The following ADAMTS10 variants were observed in gnomAD, a reference collection of about 807,000 sequenced individuals.
The protein encoded by ADAMTS10 is ADAM metallopeptidase with thrombospondin type 1 motif 10.
Under a neutral mutation model 135.9 loss-of-function variants are expected in ADAMTS10, and 48 were observed. The observed-to-expected ratio is 0.35, with a 90% CI of 0.28 to 0.45. The LOEUF is 0.45. Ranked by LOEUF, ADAMTS10 falls within the 20% of genes least tolerant of loss-of-function variation. ADAMTS10 has a pLI of 1.00. For missense variants in ADAMTS10, 1,131 were observed against 1,565.2 expected (o/e 0.72, Z 4.68); for synonymous variants, 621 against 647.5 (o/e 0.96, Z 0.62).
chr19:8,601,124 C>T lies in ADAMTS10; in HGVS notation c.614G>A (p.Arg205Gln), dbSNP rs782334696. 24 of 1,613,818 alleles carry T rather than the reference C, an allele frequency of 1.5e-5. No individual in the cohort carries two copies. Among genetic ancestry groups the T allele is most frequent in the Middle Eastern group, 1.7e-4 (1 of 6,004 alleles). ...GVRDEKPWKGRPWWLRTLKPP... is the reference protein window; with the variant it reads ...GVRDEKPWKGQPWWLRTLKPP... ...CTTCAAGGTCCGCAGCCACCATGGCCGCCCTTTCCACGGTTTCTCATCTGG... is the reference window on the plus strand; with the variant it reads ...CTTCAAGGTCCGCAGCCACCATGGCTGCCCTTTCCACGGTTTCTCATCTGG... The change falls in exon 6 of 26, where the codon CGG becomes CAG. Residue 205 changes from arginine (R) to glutamine (Q), a missense_variant. Around this residue, in one of 3 missense-constraint regions of ADAMTS10, gnomAD observed 306 missense variants for 344.4 expected, o/e 0.89. Coordinates refer to ENST00000597188, the MANE Select transcript of ADAMTS10 (RefSeq NM_030957.4). This position sits in a 1 kb window ranked among gnomAD's most constrained non-coding sequence, Gnocchi z 4.6.
chr19:8,593,397 G>C (rs181167045), intron 12 of ADAMTS10: 21 of 162,394 alleles, frequency 1.3e-4, no homozygotes, highest in African/African-American at 4.6e-4. Flanking sequence ...TAGGCCAACG[G>C]CCTCATCTCT....
In ADAMTS10 at chr19:8,596,509, C is replaced by T. The variant is rs782426031; in HGVS notation, c.1084+33G>A. The T allele has an allele frequency of 6.2e-7, 1 of 1,613,934 alleles. No individual in the cohort carries two copies. The highest frequency in any genetic ancestry group is 8.5e-7 in the Non-Finnish European group (1 of 1,179,852). On this transcript the variant is annotated intron_variant, in intron 9 of 25. Coordinates refer to ENST00000597188, the MANE Select transcript of ADAMTS10 (RefSeq NM_030957.4). This position sits in a 1 kb window ranked among gnomAD's most constrained non-coding sequence, Gnocchi z 7.2. ...AGGTCTCACCCCAGCCCACTGCCTT[C>T]ATAGGCGCCTGAAACCTACGGGGCT...
Position 8,600,792 on chromosome 19 carries a change from C to A in ADAMTS10, c.810+136G>T, listed in dbSNP as rs6603092. On this transcript the variant is annotated intron_variant, in intron 6 of 25. Coordinates refer to ENST00000597188, the MANE Select transcript of ADAMTS10 (RefSeq NM_030957.4). ...GGATTACAGGTGTGAGCCACCGCGC[C>A]CGGCCTGCAACCTTCCTTTCTACCC... The A allele has an allele frequency of 0.36, 407,156 of 1,128,948 alleles. 82,807 individuals are homozygous for A. The highest frequency in any genetic ancestry group is 0.72 in the East Asian group (29,288 of 40,628). 69.9% of individuals were successfully genotyped at this position (1,128,948 alleles called of 1,614,324 possible).
Position 8,586,579 on chromosome 19 carries a change from A to G in ADAMTS10, c.2382T>C (p.Ile794=), listed in dbSNP as rs1555737286. The change falls in exon 20 of 26, where the codon ATT becomes ATC. Residue 794 remains isoleucine, a synonymous_variant. Coordinates refer to ENST00000597188, the MANE Select transcript of ADAMTS10 (RefSeq NM_030957.4). ...QVQSLEALGP[I]NASLIVMVLA... ...TTACCATGACGATGAGAGATGCATTAATCGGTCCCAGGGCTTCGAGGCTCT... is the reference window on the plus strand; with the variant it reads ...TTACCATGACGATGAGAGATGCATTGATCGGTCCCAGGGCTTCGAGGCTCT... The G allele has an allele frequency of 6.2e-7, 1 of 1,613,904 alleles. No individual in the cohort carries two copies. Among genetic ancestry groups the G allele is most frequent in the Admixed American group, 1.7e-5 (1 of 60,014 alleles).
chr19:8,609,126 G>A (rs1373526612), intron 1 of ADAMTS10, among the ~76,000 whole-genome samples: 1 of 150,986 alleles, frequency 6.6e-6, no homozygotes, highest in Non-Finnish European at 1.5e-5. Context: ...TGTGGCGTGT[G>A]TGTGTGACTG....
chr19:8,591,864 C>A lies in ADAMTS10; in HGVS notation c.1734-1G>T. On this transcript the variant is annotated splice_acceptor_variant, in intron 14 of 25. Transcript: ENST00000597188. LOFTEE classifies it high-confidence loss of function. ...ACAGTACTTGCCCCCGATGGTTGGC[C>A]TGGAAAGGGTGGTGGGATAGGAGAG... 1 of 1,613,478 alleles carries A rather than the reference C, an allele frequency of 6.2e-7. No homozygotes were observed. Among genetic ancestry groups the A allele is most frequent in the Non-Finnish European group, 8.5e-7 (1 of 1,180,014 alleles).
At chr19:8,595,541 G>A (rs550945730) in intron 12 of ADAMTS10, 4 of 657,810 alleles carry the variant, frequency 6.1e-6, no homozygotes, top group African/African-American at 1.8e-5. Flanking sequence ...TGGAGAAGCA[G>A]GTGATCCCAT....
intron 13 of ADAMTS10, 163 bp from the exon 14 acceptor site, chr19:8,592,266 G>T: frequency 7.1e-7 from 1 of 1,403,434 alleles, no homozygotes; most frequent in East Asian, 2.5e-5. Flanking sequence ...GTAGGAGAGT[G>T]GTCTGGGAGA....
Position 8,601,413 on chromosome 19 carries a change from C to G in ADAMTS10, c.593-268G>C, listed in dbSNP as rs1334258215. ...GTATCATTCTGTCACCCAGGCTGGA[C>G]TGCAGTGGTGCGATCTTGGCTCACT... On this transcript the variant is annotated intron_variant, in intron 5 of 25. Transcript: ENST00000597188. The surrounding 1 kb of genome is among the most constrained non-coding windows in gnomAD (Gnocchi z 4.6). 6.1e-5 allele frequency among the ~76,000 whole-genome samples: 9 copies of G among 148,630 alleles called. No individual in the cohort carries two copies. Among genetic ancestry groups the G allele is most frequent in the African/African-American group, 1.5e-4 (6 of 39,978 alleles).
chr19:8,600,479 G>GTCTT (rs2042650859), intron 6 of ADAMTS10, among the ~76,000 whole-genome samples: 1 of 145,956 alleles, frequency 6.9e-6, no homozygotes, highest in African/African-American at 2.6e-5. Flanking sequence ...CTTTCTTTCT[G>GTCTT]TCTTTTCTTT....
intron 12 of ADAMTS10, 79 bp downstream of exon 12, chr19:8,595,683 G>A (rs2042594325): frequency 7.2e-7 from 1 of 1,394,804 alleles, no homozygotes; most frequent in African/African-American, 1.4e-5. Flanking sequence ...TCCCAGGTGG[G>A]TGCCCTGGTG....
intron 12 of ADAMTS10, 178 bp from the exon 13 acceptor site, chr19:8,593,048 A>C: frequency 1.5e-6 from 1 of 654,626 alleles, no homozygotes; most frequent in Non-Finnish European, 2.8e-6. Context: ...ATGGCCTGTG[A>C]CTTATACTCT....
chr19:8,580,861 C>G lies in ADAMTS10; in HGVS notation c.*32G>C. ...GCTGCAGGGCTGGCGGCGGAGACCCCGCCAGCTGTGGCTCCGGGTGCCGCG... is the reference window on the plus strand; with the variant it reads ...GCTGCAGGGCTGGCGGCGGAGACCCGGCCAGCTGTGGCTCCGGGTGCCGCG... On this transcript the variant is annotated 3_prime_UTR_variant, in exon 26 of 26. Coordinates refer to ENST00000597188, the MANE Select transcript of ADAMTS10 (RefSeq NM_030957.4). 4 of 1,547,298 alleles carry G rather than the reference C, an allele frequency of 2.6e-6. No homozygotes were observed. The highest frequency in any genetic ancestry group is 3.5e-6 in the Non-Finnish European group (4 of 1,138,368).
At chr19:8,583,617 C>A (rs546276934) in intron 25 of ADAMTS10, among the ~76,000 whole-genome samples, 21 of 152,032 alleles carry the variant, frequency 1.4e-4, no homozygotes, top group African/African-American at 3.4e-4. Context: ...GAGGCCGAGG[C>A]GGGTGGATTA....
In ADAMTS10 at chr19:8,601,173, C is replaced by T. The variant is rs781867499; in HGVS notation, c.593-28G>A. ...GGGGAACCCAGTAGAGCAATTAAGC[C>T]CTGCCCTGCTGGTGGGACGCAGAGC... On this transcript the variant is annotated intron_variant, in intron 5 of 25. Coordinates refer to ENST00000597188, the MANE Select transcript of ADAMTS10 (RefSeq NM_030957.4). The surrounding 1 kb of genome is among the most constrained non-coding windows in gnomAD (Gnocchi z 4.6). 12 of 1,609,450 alleles carry T rather than the reference C, an allele frequency of 7.5e-6. No individual in the cohort carries two copies. Among genetic ancestry groups the T allele is most frequent in the Non-Finnish European group, 9.3e-6 (11 of 1,179,312 alleles).
chr19:8,602,705 A>C (rs1476487839), intron 5 of ADAMTS10, among the ~76,000 whole-genome samples: 1 of 152,028 alleles, frequency 6.6e-6, no homozygotes, highest in African/African-American at 2.4e-5. Flanking sequence ...GGCTCATTGG[A>C]GCCTCAATCT....
In ADAMTS10 at chr19:8,580,622, G is replaced by A. The variant is rs1195833963; in HGVS notation, c.*271C>T. 4.4e-6 allele frequency: 2 copies of A among 455,842 alleles called. No homozygotes were observed. Among genetic ancestry groups the A allele is most frequent in the East Asian group, 8.7e-5 (2 of 23,056 alleles). 28.2% of individuals were successfully genotyped at this position (455,842 alleles called of 1,614,324 possible). A position where few individuals can be genotyped will look rare whatever the true frequency, so the allele number is the denominator to read the frequency against. On this transcript the variant is annotated 3_prime_UTR_variant, in exon 26 of 26. Transcript: ENST00000597188. ...GGGTGGGTTCAAAGGGTGCTGGGGT[G>A]AACAGCTGTCCCCTCCCCAGACCCA...
At position 8,605,476 on chromosome 19, in the gene ADAMTS10, G is replaced by A; in HGVS notation, c.89-118C>T. On this transcript the variant is annotated intron_variant, in intron 3 of 25. Transcript: ENST00000597188. The surrounding 1 kb of genome is among the most constrained non-coding windows in gnomAD (Gnocchi z 7.7). Reference sequence around the variant, plus strand: ...CTCACTGACCCCCGAAATCCAGGGAGTTGGCTGCAAGGCTCCCGCCTATTG... The same window carrying A: ...CTCACTGACCCCCGAAATCCAGGGAATTGGCTGCAAGGCTCCCGCCTATTG... The A allele has an allele frequency of 6.8e-7, 1 of 1,469,374 alleles. No individual in the cohort carries two copies. The highest frequency in any genetic ancestry group is 9.2e-7 in the Non-Finnish European group (1 of 1,081,728). The allele number at this position is 1,469,374 out of a possible 1,614,324, so 91.0% of individuals were successfully genotyped here. A position where few individuals can be genotyped will look rare whatever the true frequency, so the allele number is the denominator to read the frequency against.
chr19:8,585,267 G>T lies in ADAMTS10; in HGVS notation c.2907C>A (p.Val969=). The T allele has an allele frequency of 6.6e-7, 1 of 1,504,734 alleles. No homozygotes were observed. Among genetic ancestry groups the T allele is most frequent in the East Asian group, 2.4e-5 (1 of 40,836 alleles). 93.2% of individuals were successfully genotyped at this position (1,504,734 alleles called of 1,614,324 possible). A position where few individuals can be genotyped will look rare whatever the true frequency, so the allele number is the denominator to read the frequency against. The change falls in exon 24 of 26, where the codon GTC becomes GTA. Residue 969 remains valine, a synonymous_variant. Transcript: ENST00000597188. ...CGCGGTGGTCTGCGCTCTTGCAAAG[G>T]ACCACGCGGTGGCGGAGGCCCGGCC... The part of the protein sequence containing the change: ...SCGPGLRHRV[V]LCKSADHRAT...
Sources: gnomAD v4.1 joint callset for allele counts (sites outside exome capture counted in the v4.1 genomes callset) on GRCh38, gnomAD v4.1.1 for gene constraint, gnomAD v4.1.1 regional missense constraint, Gnocchi (gnomAD v3.1) non-coding constraint, MANE v1.5 for transcripts, NCBI Gene and HGNC (gene_info 2026-07-23, HGNC 2026-07-21) for gene names.